Variants in FARS2 observed in about 807,000 individuals in gnomAD.
FARS2 encodes the protein phenylalanyl-tRNA synthetase 2, mitochondrial, also known as phenylalanine--tRNA ligase, mitochondrial.
A neutral mutation model predicts 46.4 loss-of-function variants in FARS2; 40 were observed. That is an observed-to-expected ratio of 0.86 (90% confidence interval 0.67 to 1.12). FARS2 has a LOEUF of 1.12. FARS2 is among the 50% of genes most tolerant of loss of function. The probability of loss-of-function intolerance (pLI) is 0.00; values close to 1 mark genes in which losing one functional copy is unlikely to be tolerated. For synonymous variants in FARS2, 234 were observed against 214.9 expected (o/e 1.09, Z -0.78); for missense variants, 513 against 567.9 (o/e 0.90, Z 0.98).
At chr6:5,728,101 C>T (rs914409649) in intron 6 of FARS2, among the ~76,000 whole-genome samples, 18 of 152,204 alleles carry the variant, frequency 1.2e-4, no homozygotes, top group African/African-American at 4.1e-4. Context: ...GCAAATTGGT[C>T]ATTAATGTTT....
At chr6:5,590,953 A>G (rs1205583460) in intron 5 of FARS2, among the ~76,000 whole-genome samples, 3 of 152,248 alleles carry the variant, frequency 2.0e-5, no homozygotes, top group Non-Finnish European at 4.4e-5. Flanking sequence ...CTAAGCAGTC[A>G]TGGAGATGAG....
intron 1 of FARS2, among the ~76,000 whole-genome samples, chr6:5,366,407 T>C (rs968688982): frequency 2.0e-5 from 3 of 152,176 alleles, no homozygotes; most frequent in Admixed American, 6.5e-5. Flanking sequence ...AAGTCACTTC[T>C]CAGATAGAAG....
chr6:5,412,830 G>A (rs973521604), intron 3 of FARS2, among the ~76,000 whole-genome samples: 7 of 152,096 alleles, frequency 4.6e-5, no homozygotes, highest in Non-Finnish European at 5.9e-5. Context: ...CCTAGACAGC[G>A]AAGTAGCCAA....
rs576497394 is a variant in FARS2, at chr6:5,714,539, T to G, written c.1218-56752T>G. 2.6e-5 allele frequency among the ~76,000 whole-genome samples: 4 copies of G among 152,054 alleles called. No individual in the cohort carries two copies. In the East Asian group the frequency reaches 5.8e-4, roughly 22 times the overall value. On this transcript the variant is annotated intron_variant, in intron 6 of 6. Transcript: ENST00000274680. ...GCCTAAAATCACAGAGAAAACAAAC[T>G]TATTAAGTCACAAAAAACAGAACCT... is the stretch of plus-strand genomic sequence containing the variant.
At chr6:5,680,861 A>T (rs1778998556) in intron 6 of FARS2, among the ~76,000 whole-genome samples, 1 of 152,170 alleles carries the variant, frequency 6.6e-6, no homozygotes, top group Non-Finnish European at 1.5e-5. Flanking sequence ...TAAACAGTTG[A>T]TCTACACTTA....
intron 1 of FARS2, among the ~76,000 whole-genome samples, chr6:5,314,317 G>T (rs1376800672): frequency 6.6e-6 from 1 of 152,094 alleles, no homozygotes; most frequent in Non-Finnish European, 1.5e-5. Context: ...GTTTATGGAT[G>T]GTGTGGGTGT....
chr6:5,283,511 T>C (rs1766896156), intron 1 of FARS2, among the ~76,000 whole-genome samples: 1 of 146,504 alleles, frequency 6.8e-6, no homozygotes. Flanking sequence ...ATTGCGCCAC[T>C]GCACTCCAGC....
chr6:5,414,962 C>T (rs2127738203), intron 3 of FARS2, among the ~76,000 whole-genome samples: 1 of 151,622 alleles, frequency 6.6e-6, no homozygotes, highest in South Asian at 2.1e-4. Context: ...TTACAGGCAC[C>T]CGCCACCATG....
At chr6:5,662,961 A>G (rs1005951184) in intron 6 of FARS2, among the ~76,000 whole-genome samples, 1 of 152,206 alleles carries the variant, frequency 6.6e-6, no homozygotes, top group Admixed American at 6.5e-5. Flanking sequence ...GTAAGTACTT[A>G]ATAAATTCTA....
chr6:5,422,231 G>T lies in FARS2; in HGVS notation c.773-8810G>T, dbSNP rs562559371. On this transcript the variant is annotated intron_variant, in intron 3 of 6. Transcript: ENST00000274680. ...TCACGAGAACAGCATGGGAAAACCT[G>T]CCCCCATGATTCAGTTACCTCCCAC... 4.6e-5 allele frequency among the ~76,000 whole-genome samples: 7 copies of T among 152,224 alleles called. No individual in the cohort carries two copies. The South Asian group carries it at 1.5e-3, about 32-fold the overall frequency.
At chr6:5,570,957 C>T (rs1024992161) in intron 5 of FARS2, among the ~76,000 whole-genome samples, 1 of 152,222 alleles carries the variant, frequency 6.6e-6, no homozygotes, top group African/African-American at 2.4e-5. Context: ...TTTATCATCT[C>T]ATCCTGGGAT....
Position 5,500,643 on chromosome 6 carries a change from C to T in FARS2, c.905-44537C>T, listed in dbSNP as rs866077189. ...ATACCAGGGTACCATGGTTAAGGCA[C>T]GGACTCTGGAGTTAGACAAACCTAG... is the stretch of plus-strand genomic sequence containing the variant. On this transcript the variant is annotated intron_variant, in intron 4 of 6. Transcript: ENST00000274680. Among the ~76,000 whole-genome samples, 40 of 152,006 alleles carry T rather than the reference C, an allele frequency of 2.6e-4. 1 individual carries two copies. Among genetic ancestry groups the T allele is most frequent in the African/African-American group, 8.9e-4 (37 of 41,374 alleles).
chr6:5,503,804 C>T (rs1767947393), intron 4 of FARS2, among the ~76,000 whole-genome samples: 1 of 152,098 alleles, frequency 6.6e-6, no homozygotes, highest in Non-Finnish European at 1.5e-5. Flanking sequence ...GTGGGAAGAA[C>T]ACACTTGCTC....
intron 6 of FARS2, among the ~76,000 whole-genome samples, chr6:5,720,102 T>G (rs967537851): frequency 2.0e-5 from 3 of 151,736 alleles, no homozygotes; most frequent in Non-Finnish European, 4.4e-5. Flanking sequence ...CACAATGCTC[T>G]ACATAAAAAA....
chr6:5,326,100 A>G (rs1019810324), intron 1 of FARS2, among the ~76,000 whole-genome samples: 1 of 152,224 alleles, frequency 6.6e-6, no homozygotes, highest in Admixed American at 6.5e-5. Flanking sequence ...TTCTGACGTA[A>G]GAATTTCTTC....
At chr6:5,413,817 C>T (rs1270121397) in intron 3 of FARS2, among the ~76,000 whole-genome samples, 3 of 152,146 alleles carry the variant, frequency 2.0e-5, no homozygotes, top group Non-Finnish European at 4.4e-5. Context: ...GCTCACTGTA[C>T]AAATCCCTTT....
chr6:5,652,292 C>T lies in FARS2; in HGVS notation c.1217+38972C>T, dbSNP rs182209438. Among the ~76,000 whole-genome samples, 751 of 152,302 alleles carry T rather than the reference C, an allele frequency of 4.9e-3. 3 individuals carry two copies. Among genetic ancestry groups the T allele is most frequent in the Middle Eastern group, 0.02 (6 of 294 alleles). Reference sequence around the variant, plus strand: ...ACAGGTCTCCTGTAGGTCGTCTGGGCAGACTGTGGCAGGATAGGGGATGGG... The same window carrying T: ...ACAGGTCTCCTGTAGGTCGTCTGGGTAGACTGTGGCAGGATAGGGGATGGG... On this transcript the variant is annotated intron_variant, in intron 6 of 6. Coordinates refer to ENST00000274680, the MANE Select transcript of FARS2 (RefSeq NM_006567.5).
rs191752475 is a variant in FARS2, at chr6:5,754,897, T to C, written c.1218-16394T>C. ...TACAGTTTTTTAAAAATTAACCCCA[T>C]TCAGGACTTATTATGTTTCCTGAGT... On this transcript the variant is annotated intron_variant, in intron 6 of 6. Transcript: ENST00000274680. Among the ~76,000 whole-genome samples the C allele has an allele frequency of 2.8e-4, 42 of 152,348 alleles. 1 individual carries two copies. Among genetic ancestry groups the C allele is most frequent in the African/African-American group, 9.4e-4 (39 of 41,586 alleles).
intron 6 of FARS2, among the ~76,000 whole-genome samples, chr6:5,684,839 A>G (rs1055128706): frequency 2.0e-5 from 3 of 152,172 alleles, no homozygotes; most frequent in Non-Finnish European, 4.4e-5. Flanking sequence ...CTCTATTAAG[A>G]CAGGTTTCTG....
Sources: allele counts gnomAD v4.1 joint callset (sites outside exome capture counted in the v4.1 genomes callset), GRCh38; gene constraint gnomAD v4.1.1; transcripts MANE v1.5; gene names NCBI Gene and HGNC (gene_info 2026-07-23, HGNC 2026-07-21).